TMEM260: variants seen among roughly 807,000 people sequenced by gnomAD.
TMEM260 encodes the protein transmembrane protein 260.
TMEM260 carries 82 observed loss-of-function variants against 88.9 expected under a neutral mutation model. The ratio of observed to expected loss-of-function variants is 0.92; its 90% CI spans 0.77 to 1.11. The LOEUF (loss-of-function observed/expected upper bound fraction) is 1.11, where lower values mean the gene tolerates loss of function less well. Ranked by LOEUF, TMEM260 falls within the 50% of genes least tolerant of loss-of-function variation. TMEM260 has a pLI of 0.00. For synonymous variants in TMEM260, 314 were observed against 309.3 expected (o/e 1.02, Z -0.16); for missense variants, 902 against 853.4 (o/e 1.06, Z -0.71).
chr14:56,651,089 G>A (rs1017825441), downstream of TMEM260, among the ~76,000 whole-genome samples: 2 of 152,254 alleles, frequency 1.3e-5, no homozygotes, highest in African/African-American at 4.8e-5. Flanking sequence ...TGTTTCCAGG[G>A]ATTCTGGGAA....
intron 4 of TMEM260, among the ~76,000 whole-genome samples, chr14:56,604,493 C>A (rs1040040132): frequency 1.3e-5 from 2 of 152,124 alleles, no homozygotes; most frequent in South Asian, 2.1e-4. Flanking sequence ...AATCACTTGA[C>A]ATGTGAAAGA....
chr14:56,622,022 T>C (rs1234699823), intron 11 of TMEM260, among the ~76,000 whole-genome samples: 1 of 152,162 alleles, frequency 6.6e-6, no homozygotes, highest in Non-Finnish European at 1.5e-5. Flanking sequence ...AAGTGTTTGT[T>C]GTATGGTAAA....
In TMEM260 at chr14:56,615,935, T is replaced by C; in HGVS notation, c.858-9T>C. On this transcript the variant is annotated splice_polypyrimidine_tract_variant and intron_variant, in intron 7 of 15. Coordinates refer to ENST00000261556, the MANE Select transcript of TMEM260 (RefSeq NM_017799.4). The stretch of plus-strand genomic sequence containing the variant: ...TCCTGCCAACAATAAGTTAGATTGT[T>C]TTTTGCAGTTCTCAAGTAACAAATA... 1 of 1,605,092 alleles carries C rather than the reference T, an allele frequency of 6.2e-7. No individual in the cohort carries two copies.
chr14:56,625,120 G>A (rs1401797293), intron 11 of TMEM260, among the ~76,000 whole-genome samples: 2 of 152,152 alleles, frequency 1.3e-5, no homozygotes, highest in African/African-American at 4.8e-5. Flanking sequence ...TAAGAATGGG[G>A]GAAGGTCCTT....
At chr14:56,611,123 T>G (rs1887245657) in intron 6 of TMEM260, among the ~76,000 whole-genome samples, 1 of 151,920 alleles carries the variant, frequency 6.6e-6, no homozygotes, top group Admixed American at 6.6e-5. Context: ...TGCACCACCA[T>G]GCCCGGCTAA....
intron 13 of TMEM260, 48 bp from the exon 14 acceptor site, chr14:56,634,851 A>C: frequency 1.3e-6 from 2 of 1,580,320 alleles, no homozygotes; most frequent in Non-Finnish European, 1.7e-6. Context: ...TCAAAAAAAA[A>C]AAAAAAGTGG....
chr14:56,603,004 A>G (rs1021021312), intron 3 of TMEM260, among the ~76,000 whole-genome samples: 1 of 152,192 alleles, frequency 6.6e-6, no homozygotes, highest in African/African-American at 2.4e-5. Flanking sequence ...GTTTTAGATT[A>G]ATAAGGAAAT....
At chr14:56,580,175 C>T in intron 1 of TMEM260, 101 bp downstream of exon 1, 1 of 1,008,592 alleles carries the variant, frequency 9.9e-7, no homozygotes, top group Non-Finnish European at 1.3e-6. Flanking sequence ...GTCTGGTCAG[C>T]TCTGGGCCTC....
chr14:56,652,817 C>A (rs1890229692), downstream of TMEM260, among the ~76,000 whole-genome samples: 1 of 152,192 alleles, frequency 6.6e-6, no homozygotes, highest in Admixed American at 6.5e-5. Context: ...TGTATCTACA[C>A]AGTTAAGTTT....
At chr14:56,592,297 A>G (rs746812892) in intron 3 of TMEM260, among the ~76,000 whole-genome samples, 3 of 152,300 alleles carry the variant, frequency 2.0e-5, no homozygotes, top group Non-Finnish European at 4.4e-5. Flanking sequence ...TCACAGATGT[A>G]CCTTTTATAT....
At chr14:56,661,475 G>A in the TMEM260 span, among the ~76,000 whole-genome samples, 5 of 142,418 alleles carry the variant, frequency 3.5e-5, no homozygotes, top group African/African-American at 1.0e-4. Flanking sequence ...TAGACAGACA[G>A]GTAGTTGGTG....
rs1398549673 is a variant in TMEM260 at position 56,643,433 on chromosome 14, GA to G, written c.1870-3806del. Among the ~76,000 whole-genome samples the G allele has an allele frequency of 7.9e-5, 12 of 152,180 alleles. No individual in the cohort carries two copies. The South Asian group carries it at 1.0e-3, about 13-fold the overall frequency. Reference sequence around the variant, plus strand: ...CCACATGATTATCTCAATAGATGCAGAAAAGGCCTTTGACAAAATTCAACAA... The same window carrying G: ...CCACATGATTATCTCAATAGATGCAGAAAGGCCTTTGACAAAATTCAACAA... On this transcript the variant is annotated intron_variant, in intron 15 of 15. Transcript: ENST00000261556.
chr14:56,651,747 A>G (rs1039094234), downstream of TMEM260, among the ~76,000 whole-genome samples: 6 of 152,248 alleles, frequency 3.9e-5, no homozygotes, highest in African/African-American at 9.6e-5. Context: ...TAAAAGATAC[A>G]TAGAAATAAG....
At chr14:56,593,789 G>A (rs917756507) in intron 3 of TMEM260, among the ~76,000 whole-genome samples, 9 of 140,234 alleles carry the variant, frequency 6.4e-5, no homozygotes, top group East Asian at 2.3e-4. Context: ...CCGGGTTCAC[G>A]CCATTCTCCT....
Position 56,618,574 on chromosome 14 carries a change from G to A in TMEM260, c.1057-20G>A. ...ATTAAATAGTCAACTGGACCCACTGGTTGCATGTCTCTTTCACAGGTGGAA... is the reference window on the plus strand; with the variant it reads ...ATTAAATAGTCAACTGGACCCACTGATTGCATGTCTCTTTCACAGGTGGAA... On this transcript the variant is annotated intron_variant, in intron 9 of 15. Transcript: ENST00000261556. 6.2e-7 allele frequency: 1 copy of A among 1,612,112 alleles called. No individual in the cohort carries two copies. Among genetic ancestry groups the A allele is most frequent in the Non-Finnish European group, 8.5e-7 (1 of 1,179,176 alleles).
intron 3 of TMEM260, among the ~76,000 whole-genome samples, chr14:56,588,108 C>T (rs1483521994): frequency 6.6e-6 from 1 of 152,030 alleles, no homozygotes; most frequent in East Asian, 1.9e-4. Context: ...GGAGACGTTT[C>T]ACTACTTTAT....
chr14:56,585,951 T>G, intron 3 of TMEM260, 39 bp downstream of exon 3: 1 of 1,599,094 alleles, frequency 6.3e-7, no homozygotes, highest in Non-Finnish European at 8.5e-7. Flanking sequence ...TTTGAGCAGT[T>G]GGAGATGTAG....
intron 3 of TMEM260, among the ~76,000 whole-genome samples, chr14:56,592,566 G>A (rs1055542651): frequency 6.6e-6 from 1 of 152,146 alleles, no homozygotes; most frequent in Non-Finnish European, 1.5e-5. Flanking sequence ...GAAATACATG[G>A]TGTTGATTAT....
intron 10 of TMEM260, among the ~76,000 whole-genome samples, chr14:56,620,254 T>C (rs1159400658): frequency 6.6e-6 from 1 of 152,112 alleles, no homozygotes; most frequent in African/African-American, 2.4e-5. Context: ...AATTTACCTT[T>C]ATAACAACAA....
Sources: gnomAD v4.1 joint callset for allele counts (sites outside exome capture counted in the v4.1 genomes callset) on GRCh38, gnomAD v4.1.1 for gene constraint, MANE v1.5 for transcripts, NCBI Gene and HGNC (gene_info 2026-07-23, HGNC 2026-07-21) for gene names.